Variants in MAP3K2 observed in about 807,000 individuals in gnomAD.
MAP3K2 encodes mitogen-activated protein kinase kinase kinase 2.
A neutral mutation model predicts 80.3 loss-of-function variants in MAP3K2; 24 were observed. The observed-to-expected ratio is 0.30, with a 90% CI of 0.22 to 0.42. The LOEUF is 0.42. Among genes scored for constraint, MAP3K2 ranks in the 10% least tolerant of loss-of-function variants. MAP3K2 has a pLI of 1.00. For missense variants in MAP3K2, 608 were observed against 750.1 expected (o/e 0.81, Z 2.21); for synonymous variants, 244 against 253.7 (o/e 0.96, Z 0.36).
At chr2:127,365,130 A>C (rs1686950200) in intron 1 of MAP3K2, among the ~76,000 whole-genome samples, 1 of 133,904 alleles carries the variant, frequency 7.5e-6, no homozygotes, top group Non-Finnish European at 1.6e-5. Context: ...AAAAAAAAAA[A>C]AAAAAAAAAA....
At chr2:127,327,896 G>C (rs575345219) in intron 7 of MAP3K2, among the ~76,000 whole-genome samples, 1 of 152,322 alleles carries the variant, frequency 6.6e-6, no homozygotes, top group African/African-American at 2.4e-5. Context: ...GAATAAGACT[G>C]AGGTATTCAG....
chr2:127,339,089 T>C lies in MAP3K2; in HGVS notation c.5-39A>G. ...AAACAACACATACATAGAATTGTAA[T>C]TGTGACATATATATCAACATGTATA... On this transcript the variant is annotated intron_variant, in intron 2 of 16. Transcript: ENST00000682094. The surrounding 1 kb of genome is among the most constrained non-coding windows in gnomAD (Gnocchi z 4.2). 1 of 1,220,660 alleles carries C rather than the reference T, an allele frequency of 8.2e-7. No individual in the cohort carries two copies. Among genetic ancestry groups the C allele is most frequent in the Non-Finnish European group, 1.2e-6 (1 of 842,208 alleles). 75.6% of individuals were successfully genotyped at this position (1,220,660 alleles called of 1,614,324 possible). A position where few individuals can be genotyped will look rare whatever the true frequency, so the allele number is the denominator to read the frequency against.
At chr2:127,374,524 C>G (rs1360508235) in intron 1 of MAP3K2, among the ~76,000 whole-genome samples, 1 of 152,158 alleles carries the variant, frequency 6.6e-6, no homozygotes, top group African/African-American at 2.4e-5. Flanking sequence ...CCTACAATGC[C>G]CAGATTGCCA....
In MAP3K2 at chr2:127,370,796, AG is replaced by A. The variant is rs370909669; in HGVS notation, c.-66+16655del. On this transcript the variant is annotated intron_variant, in intron 1 of 16. Coordinates refer to ENST00000682094, the MANE Select transcript of MAP3K2 (RefSeq NM_001371910.2). ...CAGCTCTGGCCCCGTTATACACAGA[AG>A]AGCCTAAAAAGGGGAGGGAGGAGGA... is the stretch of plus-strand genomic sequence containing the variant. Among the ~76,000 whole-genome samples the A allele has an allele frequency of 2.3e-3, 355 of 152,330 alleles. 1 individual carries two copies. Among genetic ancestry groups the A allele is most frequent in the African/African-American group, 7.7e-3 (322 of 41,584 alleles).
chr2:127,380,025 G>C lies in MAP3K2; in HGVS notation c.-66+7427C>G, dbSNP rs548172299. Among the ~76,000 whole-genome samples the C allele has an allele frequency of 3.9e-5, 6 of 152,142 alleles. No homozygotes were observed. In the South Asian group the frequency reaches 1.2e-3, roughly 32 times the overall value. On this transcript the variant is annotated intron_variant, in intron 1 of 16. Coordinates refer to ENST00000682094, the MANE Select transcript of MAP3K2 (RefSeq NM_001371910.2). ...AACTAAAGTAAAACCAGTATCTCGT[G>C]GGAGAAAAAAAGAAACAAAGGAAAC...
In MAP3K2 at chr2:127,302,284, G is replaced by A. The variant is rs1419976136; in HGVS notation, c.*5295C>T. 6.6e-6 allele frequency: 1 copy of A among 152,020 alleles called. No homozygotes were observed. Among genetic ancestry groups the A allele is most frequent in the Non-Finnish European group, 1.5e-5 (1 of 67,990 alleles). 9.4% of individuals were successfully genotyped at this position (152,020 alleles called of 1,614,324 possible). On this transcript the variant is annotated 3_prime_UTR_variant, in exon 17 of 17. Coordinates refer to ENST00000682094, the MANE Select transcript of MAP3K2 (RefSeq NM_001371910.2). ...ACAATCATTTGTACTAGCTACTTCT[G>A]GAAAATGTACTGGTGTTCCTACCCA...
chr2:127,361,974 T>C (rs999892921), intron 1 of MAP3K2, among the ~76,000 whole-genome samples: 26 of 152,218 alleles, frequency 1.7e-4, no homozygotes, highest in African/African-American at 5.8e-4. Context: ...CCTTATCAGA[T>C]GTCAGTTCTC....
In MAP3K2 at chr2:127,307,530, G is replaced by T; in HGVS notation, c.*49C>A. On this transcript the variant is annotated 3_prime_UTR_variant, in exon 17 of 17. Transcript: ENST00000682094. This position sits in a 1 kb window ranked among gnomAD's most constrained non-coding sequence, Gnocchi z 5.4. ...AGAAAAGTGCAGTCAGAGAGAAGGTGAATGAATAGATGGGAGCTAGGTAGA... is the reference window on the plus strand; with the variant it reads ...AGAAAAGTGCAGTCAGAGAGAAGGTTAATGAATAGATGGGAGCTAGGTAGA... 1 of 1,233,908 alleles carries T rather than the reference G, an allele frequency of 8.1e-7. No individual in the cohort carries two copies. Among genetic ancestry groups the T allele is most frequent in the Non-Finnish European group, 1.1e-6 (1 of 880,122 alleles). The allele number at this position is 1,233,908 out of a possible 1,614,324, so 76.4% of individuals were successfully genotyped here.
At position 127,305,613 on chromosome 2, in the gene MAP3K2, C is replaced by A. The variant is rs1685680863; in HGVS notation, c.*1966G>T. On this transcript the variant is annotated 3_prime_UTR_variant, in exon 17 of 17. Coordinates refer to ENST00000682094, the MANE Select transcript of MAP3K2 (RefSeq NM_001371910.2). ...TGGCAGAAAATAAGAATACCTGAGT[C>A]CCTTATGAATCCCATGAAAGGGATT... 1.3e-5 allele frequency: 2 copies of A among 152,064 alleles called. 1 individual carries two copies. The highest frequency in any genetic ancestry group is 4.1e-4 in the South Asian group (2 of 4,834). The allele number at this position is 152,064 out of a possible 1,614,324, so 9.4% of individuals were successfully genotyped here. A position where few individuals can be genotyped will look rare whatever the true frequency, so the allele number is the denominator to read the frequency against.
At chr2:127,331,176 G>C (rs1360950066) in intron 5 of MAP3K2, among the ~76,000 whole-genome samples, 1 of 152,020 alleles carries the variant, frequency 6.6e-6, no homozygotes, top group South Asian at 2.1e-4. Context: ...TGTTATAGAG[G>C]ACAAAAGCAC....
At chr2:127,363,797 C>G (rs905895774) in intron 1 of MAP3K2, among the ~76,000 whole-genome samples, 2 of 152,148 alleles carry the variant, frequency 1.3e-5, no homozygotes, top group African/African-American at 4.8e-5. Flanking sequence ...GCTAAGACTA[C>G]AGGCACACAC....
intron 2 of MAP3K2, among the ~76,000 whole-genome samples, chr2:127,342,820 T>G (rs1050287788): frequency 6.6e-6 from 1 of 152,214 alleles, no homozygotes; most frequent in Non-Finnish European, 1.5e-5. Flanking sequence ...TGCTGCTCTA[T>G]GAATGATAAA....
intron 1 of MAP3K2, among the ~76,000 whole-genome samples, chr2:127,376,395 T>C (rs1687152471): frequency 6.6e-6 from 1 of 152,172 alleles, no homozygotes; most frequent in Non-Finnish European, 1.5e-5. Context: ...AAATCTATAC[T>C]GAATAAATGC....
Position 127,338,998 on chromosome 2 carries a change from C to A in MAP3K2, c.57G>T (p.Lys19Asn). 1 of 1,612,720 alleles carries A rather than the reference C, an allele frequency of 6.2e-7. No homozygotes were observed. The change falls in exon 3 of 17, where the codon AAG (lysine) becomes AAT (asparagine). Residue 19 changes from lysine (K) to asparagine (N), a missense_variant. By Grantham distance (94) the Lys-to-Asn change is moderately conservative. Around this residue, in one of 4 missense-constraint regions of MAP3K2, gnomAD observed 467 missense variants for 521.9 expected, o/e 0.89. Coordinates refer to ENST00000682094, the MANE Select transcript of MAP3K2 (RefSeq NM_001371910.2). ...GCAAGGATAATGCTGGTCGACTGGC[C>A]TTATGAAGGACAGCCAAATCTTGCA... ...SIMQDLAVLH[K>N]ASRPALSLQE...
intron 1 of MAP3K2, among the ~76,000 whole-genome samples, chr2:127,366,318 T>C (rs1207801226): frequency 6.8e-6 from 1 of 148,132 alleles, no homozygotes. Flanking sequence ...GAGGCTGAGG[T>C]GGGAGGATCC....
intron 2 of MAP3K2, among the ~76,000 whole-genome samples, chr2:127,340,367 G>A (rs1303759401): frequency 6.6e-6 from 1 of 152,086 alleles, no homozygotes; most frequent in Admixed American, 6.6e-5. Flanking sequence ...CTTTAAGAAG[G>A]TAAATCCTTG....
chr2:127,309,873 G>C (rs996691078), intron 15 of MAP3K2, among the ~76,000 whole-genome samples: 1 of 152,136 alleles, frequency 6.6e-6, no homozygotes, highest in Non-Finnish European at 1.5e-5. Context: ...GCTTAAGATA[G>C]TGTTTGTCAG....
chr2:127,326,591 G>C, intron 8 of MAP3K2, 96 bp downstream of exon 8: 2 of 803,980 alleles, frequency 2.5e-6, no homozygotes. Flanking sequence ...AATTAGAGAA[G>C]AGATAATACA....
At chr2:127,328,397 AAAATGTAT>A (rs1456561179) in intron 7 of MAP3K2, among the ~76,000 whole-genome samples, 1 of 152,240 alleles carries the variant, frequency 6.6e-6, no homozygotes, top group African/African-American at 2.4e-5. Context: ...TACAATGTAC[AAAATGTAT>A]AAATGTACAA....
Sources: gnomAD v4.1 joint callset for allele counts (sites outside exome capture counted in the v4.1 genomes callset) on GRCh38, gnomAD v4.1.1 for gene constraint, gnomAD v4.1.1 regional missense constraint, Gnocchi (gnomAD v3.1) non-coding constraint, MANE v1.5 for transcripts, NCBI Gene and HGNC (gene_info 2026-07-23, HGNC 2026-07-21) for gene names.